Variants in CALN1 observed in about 807,000 individuals in gnomAD.
CALN1 encodes the protein calneuron 1, also known as calcium-binding protein 8.
In CALN1, 17 loss-of-function variants were observed where a neutral mutation model predicts 30.6. The ratio of observed to expected loss-of-function variants is 0.56; its 90% CI spans 0.38 to 0.83. The LOEUF is 0.83. CALN1 is among the 40% of genes least tolerant of loss of function. The probability of loss-of-function intolerance (pLI) is 0.00; values close to 1 mark genes in which losing one functional copy is unlikely to be tolerated. For synonymous variants in CALN1, 156 were observed against 131.4 expected (o/e 1.19, Z -1.28); for missense variants, 291 against 354.9 (o/e 0.82, Z 1.45).
At chr7:72,300,668 T>G (rs6979866) in intron 2 of CALN1, among the ~76,000 whole-genome samples, 2 of 151,990 alleles carry the variant, frequency 1.3e-5, no homozygotes, top group Admixed American at 6.6e-5. Flanking sequence ...AACACAGATG[T>G]ATGTATTTAA....
At position 72,103,502 on chromosome 7, in the gene CALN1, G is replaced by A. The variant is rs73371720; in HGVS notation, c.388+2649C>T. ...ACCAGATCTTACGGCTCTACTTATG[G>A]GGCTACTTTGAAAGTGTTAAATGAA... On this transcript the variant is annotated intron_variant, in intron 4 of 6. Coordinates refer to ENST00000395275, the MANE Select transcript of CALN1 (RefSeq NM_031468.4). 9.0e-3 allele frequency among the ~76,000 whole-genome samples: 1,368 copies of A among 152,186 alleles called. 14 individuals are homozygous for A. Among genetic ancestry groups the A allele is most frequent in the African/African-American group, 0.029 (1,193 of 41,518 alleles).
intron 1 of CALN1, among the ~76,000 whole-genome samples, chr7:72,409,291 G>A (rs1449559848): frequency 1.3e-5 from 2 of 151,910 alleles, no homozygotes; most frequent in East Asian, 2.0e-4. Context: ...ACTGCACCTG[G>A]CCCAGCATAC....
At chr7:72,266,276 A>G (rs1453143143) in intron 3 of CALN1, among the ~76,000 whole-genome samples, 2 of 152,228 alleles carry the variant, frequency 1.3e-5, no homozygotes, top group Non-Finnish European at 2.9e-5. Flanking sequence ...GAAAAAGTCC[A>G]CAGAAATTTG....
At chr7:72,069,260 A>G (rs1804230665) in intron 4 of CALN1, among the ~76,000 whole-genome samples, 1 of 152,222 alleles carries the variant, frequency 6.6e-6, no homozygotes, top group Non-Finnish European at 1.5e-5. Flanking sequence ...GCAGACACCA[A>G]CCTAATGGGA....
At chr7:72,133,793 G>T (rs566156919) in intron 3 of CALN1, among the ~76,000 whole-genome samples, 32 of 152,236 alleles carry the variant, frequency 2.1e-4, no homozygotes, top group African/African-American at 7.0e-4. Context: ...TATTACTTCT[G>T]TGATATTTCT....
intron 3 of CALN1, among the ~76,000 whole-genome samples, chr7:72,273,408 C>A (rs1285374245): frequency 9.1e-6 from 1 of 109,998 alleles, no homozygotes; most frequent in African/African-American, 3.3e-5. Context: ...GGCAACAGAG[C>A]AAGACTCCAT....
At chr7:72,408,507 C>A (rs146651694) in intron 1 of CALN1, among the ~76,000 whole-genome samples, 1 of 151,722 alleles carries the variant, frequency 6.6e-6, no homozygotes, top group Admixed American at 6.6e-5. Flanking sequence ...GGTCAGAGAG[C>A]GTAACTGGAA....
intron 3 of CALN1, among the ~76,000 whole-genome samples, chr7:72,269,542 T>C (rs1329477626): frequency 6.6e-6 from 1 of 152,212 alleles, no homozygotes; most frequent in Non-Finnish European, 1.5e-5. Flanking sequence ...AAGCAGCAGA[T>C]AGTGGAAAAA....
At position 72,363,558 on chromosome 7, in the gene CALN1, G is replaced by A. The variant is rs535111592; in HGVS notation, c.119+39693C>T. Among the ~76,000 whole-genome samples, 263 of 147,208 alleles carry A rather than the reference G, an allele frequency of 1.8e-3. 1 individual carries two copies. Among genetic ancestry groups the A allele is most frequent in the Non-Finnish European group, 2.7e-3 (180 of 67,686 alleles). On this transcript the variant is annotated intron_variant, in intron 2 of 6. Transcript: ENST00000395275. ...CTGGCCTAATTTTAAAAAGACAAAT[G>A]CACATAAACTTACTTTTTTTACAGA...
At chr7:72,402,384 ACT>A (rs1442774500) in intron 2 of CALN1, among the ~76,000 whole-genome samples, 7 of 152,014 alleles carry the variant, frequency 4.6e-5, no homozygotes, top group Non-Finnish European at 1.0e-4. Context: ...CACAAGCCTA[ACT>A]CTAAACTCAC....
At chr7:72,213,829 T>G (rs1245794890) in intron 3 of CALN1, among the ~76,000 whole-genome samples, 1 of 152,104 alleles carries the variant, frequency 6.6e-6, no homozygotes, top group East Asian at 1.9e-4. Flanking sequence ...CCCCCTGCAT[T>G]ATTGGGTTAT....
At chr7:72,110,680 C>A (rs1807509036) in intron 3 of CALN1, among the ~76,000 whole-genome samples, 2 of 145,804 alleles carry the variant, frequency 1.4e-5, no homozygotes. Flanking sequence ...TTCAAAATAG[C>A]AGAAACAGGA....
chr7:72,146,713 A>G (rs1182656334), intron 3 of CALN1, among the ~76,000 whole-genome samples: 1 of 152,222 alleles, frequency 6.6e-6, no homozygotes, highest in African/African-American at 2.4e-5. Flanking sequence ...ACCTGACTTC[A>G]AACTATACTA....
chr7:72,302,756 G>A (rs961115425), intron 2 of CALN1, among the ~76,000 whole-genome samples: 31 of 151,876 alleles, frequency 2.0e-4, no homozygotes, highest in Admixed American at 1.4e-3. Flanking sequence ...TTAGTCAGGT[G>A]TGATGGTGGG....
At chr7:72,225,494 G>A (rs777336458) in intron 3 of CALN1, among the ~76,000 whole-genome samples, 25 of 151,990 alleles carry the variant, frequency 1.6e-4, no homozygotes, top group Non-Finnish European at 2.8e-4. Flanking sequence ...GTGGCCAATG[G>A]GGAAAAGAGG....
chr7:72,203,826 G>A (rs931628554), intron 3 of CALN1, among the ~76,000 whole-genome samples: 1 of 151,692 alleles, frequency 6.6e-6, no homozygotes, highest in Non-Finnish European at 1.5e-5. Flanking sequence ...TTTTTTCTAA[G>A]TGCAAAAGTC....
chr7:72,501,527 GAAGGA>G, the CALN1 span, among the ~76,000 whole-genome samples: 82 of 136,954 alleles, frequency 6.0e-4, no homozygotes, highest in African/African-American at 2.2e-3. Context: ...AAGAAGGAAA[GAAGGA>G]AAGGAAAGGA....
intron 4 of CALN1, among the ~76,000 whole-genome samples, chr7:72,025,956 G>C (rs1220087267): frequency 2.6e-5 from 4 of 152,136 alleles, no homozygotes; most frequent in Non-Finnish European, 5.9e-5. Flanking sequence ...AGGGAGGCGT[G>C]GCAAGTCAAT....
intron 2 of CALN1, among the ~76,000 whole-genome samples, chr7:72,331,391 A>G (rs1801667485): frequency 6.6e-6 from 1 of 152,108 alleles, no homozygotes; most frequent in Non-Finnish European, 1.5e-5. Context: ...GGAGGAGGAA[A>G]ACAGTCTCTC....
Sources: allele counts gnomAD v4.1 joint callset (sites outside exome capture counted in the v4.1 genomes callset), GRCh38; gene constraint gnomAD v4.1.1; transcripts MANE v1.5; gene names NCBI Gene and HGNC (gene_info 2026-07-23, HGNC 2026-07-21).